Variants in CADM2 observed in about 807,000 individuals in gnomAD.
The protein encoded by CADM2 is cell adhesion molecule 2.
A neutral mutation model predicts 49.8 loss-of-function variants in CADM2; 12 were observed. The ratio of observed to expected loss-of-function variants is 0.24; its 90% CI spans 0.15 to 0.39. The LOEUF (loss-of-function observed/expected upper bound fraction) is 0.39. Ranked by LOEUF, CADM2 falls within the 10% of genes least tolerant of loss-of-function variation. The probability of loss-of-function intolerance (pLI) is 1.00; values close to 1 mark genes in which losing one functional copy is unlikely to be tolerated. For missense variants in CADM2, 378 were observed against 492.3 expected (o/e 0.77, Z 2.20); for synonymous variants, 214 against 175.4 (o/e 1.22, Z -1.74).
intron 1 of CADM2, among the ~76,000 whole-genome samples, chr3:85,725,920 A>T (rs2067680005): frequency 6.6e-6 from 1 of 152,032 alleles, no homozygotes; most frequent in Non-Finnish European, 1.5e-5. Flanking sequence ...TTCTGGAGTC[A>T]GATACACCTA....
chr3:85,038,032 T>A (rs894464306), intron 1 of CADM2, among the ~76,000 whole-genome samples: 2 of 152,002 alleles, frequency 1.3e-5, no homozygotes, highest in African/African-American at 2.4e-5. Context: ...ACAGAAAAAG[T>A]TTTTTAAAAT....
intron 1 of CADM2, among the ~76,000 whole-genome samples, chr3:85,305,864 G>A (rs10440085): frequency 0.23 from 34,967 of 151,216 alleles, 6,590 homozygotes; most frequent in African/African-American, 0.53. Context: ...AAATACATAC[G>A]GAGCTTGTCT....
intron 1 of CADM2, among the ~76,000 whole-genome samples, chr3:85,449,499 A>G (rs1028889959): frequency 4.6e-5 from 7 of 151,906 alleles, no homozygotes; most frequent in African/African-American, 1.4e-4. Flanking sequence ...TGGAAGCATG[A>G]CCTCAAGACC....
chr3:85,070,234 T>G (rs565475372), intron 1 of CADM2, among the ~76,000 whole-genome samples: 1 of 152,294 alleles, frequency 6.6e-6, no homozygotes, highest in Admixed American at 6.5e-5. Flanking sequence ...GTGGCGATTA[T>G]GTGGGCTAAA....
chr3:85,851,655 G>A (rs1432384233), intron 3 of CADM2, among the ~76,000 whole-genome samples: 1 of 149,118 alleles, frequency 6.7e-6, no homozygotes, highest in East Asian at 2.0e-4. Context: ...ATACTATAGT[G>A]TGTATGTTGG....
chr3:85,446,212 T>C (rs1284979091), intron 1 of CADM2, among the ~76,000 whole-genome samples: 1 of 152,064 alleles, frequency 6.6e-6, no homozygotes, highest in African/African-American at 2.4e-5. Context: ...ATTCAGTGAG[T>C]GAATGAATGA....
intron 6 of CADM2, among the ~76,000 whole-genome samples, chr3:85,916,147 C>CA (rs1718274934): frequency 1.3e-5 from 2 of 152,018 alleles, no homozygotes; most frequent in African/African-American, 4.8e-5. Flanking sequence ...CATTTAAATA[C>CA]TGCCACTATG....
chr3:85,323,446 T>C (rs1654630189), intron 1 of CADM2, among the ~76,000 whole-genome samples: 1 of 152,162 alleles, frequency 6.6e-6, no homozygotes. Flanking sequence ...TTTCCTTTGC[T>C]CTGTTATTAT....
rs1203428770 is a variant in CADM2 at position 85,175,766 on chromosome 3, C to T, written c.61+216098C>T. Reference sequence around the variant, plus strand: ...AATTTCATATTATATATATATTTTACCACAATAAAAAATAGATCATTGTTT... The same window carrying T: ...AATTTCATATTATATATATATTTTATCACAATAAAAAATAGATCATTGTTT... On this transcript the variant is annotated intron_variant, in intron 1 of 9. Transcript: ENST00000383699. Among the ~76,000 whole-genome samples, 7 of 151,602 alleles carry T rather than the reference C, an allele frequency of 4.6e-5. 1 individual carries two copies. The highest frequency in any genetic ancestry group is 3.2e-3 in the Middle Eastern group (1 of 316).
chr3:85,388,710 A>T (rs1394032135), intron 1 of CADM2, among the ~76,000 whole-genome samples: 1 of 152,118 alleles, frequency 6.6e-6, no homozygotes, highest in Non-Finnish European at 1.5e-5. Context: ...TAGCCAGGAA[A>T]TTCTGGCCAA....
rs765464 is a variant in CADM2 at position 85,022,387 on chromosome 3, A to C, written c.61+62719A>C. On this transcript the variant is annotated intron_variant, in intron 1 of 9. Transcript: ENST00000383699. ...TGATTTATGGTGCAGCAGTTGGGGG[A>C]TTGCTCCTCTCTAGGTCGTTCTTAT... is the stretch of plus-strand genomic sequence containing the variant. 6.8e-3 allele frequency among the ~76,000 whole-genome samples: 1,030 copies of C among 152,144 alleles called. 34 individuals are homozygous for C. The highest frequency in any genetic ancestry group is 0.048 in the Admixed American group (732 of 15,262).
chr3:85,581,870 G>A (rs2062809541), intron 1 of CADM2, among the ~76,000 whole-genome samples: 2 of 151,648 alleles, frequency 1.3e-5, no homozygotes, highest in South Asian at 4.2e-4. Context: ...ATATAATGTG[G>A]TTATGATGAA....
chr3:85,106,351 C>T (rs1259064844), intron 1 of CADM2, among the ~76,000 whole-genome samples: 2 of 152,140 alleles, frequency 1.3e-5, no homozygotes, highest in Non-Finnish European at 2.9e-5. Flanking sequence ...GCACAAAAGG[C>T]AAATAGCTAA....
intron 1 of CADM2, among the ~76,000 whole-genome samples, chr3:85,504,891 A>G (rs2040263562): frequency 6.6e-6 from 1 of 152,158 alleles, no homozygotes; most frequent in African/African-American, 2.4e-5. Context: ...TGGGGGACCC[A>G]GTACACCCTC....
intron 1 of CADM2, among the ~76,000 whole-genome samples, chr3:85,449,622 T>C (rs73843614): frequency 0.021 from 3,160 of 152,154 alleles, 104 homozygotes; most frequent in African/African-American, 0.072. Context: ...ACAAGCTCCT[T>C]ACTCTCAACA....
intron 1 of CADM2, among the ~76,000 whole-genome samples, chr3:85,067,710 A>T (rs931331768): frequency 6.6e-6 from 1 of 152,180 alleles, no homozygotes. Context: ...TGTTTGTACC[A>T]ATTAATTAAT....
intron 3 of CADM2, among the ~76,000 whole-genome samples, chr3:85,806,475 G>A (rs376706380): frequency 6.6e-6 from 1 of 152,162 alleles, no homozygotes; most frequent in Non-Finnish European, 1.5e-5. Flanking sequence ...GTTAGAGTTG[G>A]AAAAGCCTTG....
chr3:85,602,027 G>C (rs574472258), intron 1 of CADM2, among the ~76,000 whole-genome samples: 22 of 151,862 alleles, frequency 1.4e-4, no homozygotes, highest in African/African-American at 5.1e-4. Flanking sequence ...GTTCCGTTCA[G>C]TGGCTACTAT....
At chr3:85,778,739 G>A (rs920512288) in intron 2 of CADM2, among the ~76,000 whole-genome samples, 10 of 151,990 alleles carry the variant, frequency 6.6e-5, no homozygotes, top group Admixed American at 4.6e-4. Flanking sequence ...ATGTATATGA[G>A]GTCACACACC....
Sources: allele counts gnomAD v4.1 joint callset (sites outside exome capture counted in the v4.1 genomes callset), GRCh38; gene constraint gnomAD v4.1.1; transcripts MANE v1.5; gene names NCBI Gene and HGNC (gene_info 2026-07-23, HGNC 2026-07-21).